Variants in TLN2 observed in about 807,000 individuals in gnomAD.
TLN2 encodes the protein talin 2.
A neutral mutation model predicts 294.7 loss-of-function variants in TLN2; 118 were observed. That is an observed-to-expected ratio of 0.40 (90% CI 0.34 to 0.47). The LOEUF is 0.47. Ranked by LOEUF, TLN2 falls within the 20% of genes least tolerant of loss-of-function variation. TLN2 has a pLI of 0.84. For missense variants in TLN2, 3,083 were observed against 3,282.2 expected (o/e 0.94, Z 1.48); for synonymous variants, 1,431 against 1,304.5 (o/e 1.10, Z -2.09).
intron 1 of TLN2, among the ~76,000 whole-genome samples, chr15:62,531,075 T>C (rs2041016073): frequency 6.6e-6 from 1 of 152,234 alleles, no homozygotes; most frequent in Non-Finnish European, 1.5e-5. Context: ...ATTCCCACTT[T>C]TGAGTGTTTA....
intron 11 of TLN2, among the ~76,000 whole-genome samples, chr15:62,683,780 A>G (rs1352972928): frequency 6.6e-6 from 1 of 152,080 alleles, no homozygotes; most frequent in African/African-American, 2.4e-5. Context: ...TACTGGAGAT[A>G]AAAGGAAGCT....
rs2061983059 is a variant in TLN2, at chr15:62,752,347, A to G, written c.4252A>G (p.Thr1418Ala). Residue 1418 changes from threonine (T) to alanine (A), a missense_variant, in exon 35 of 59, where the codon ACC becomes GCC. Transcript: ENST00000636159. ...GGCAGGGATTTCACAGAATGCCAAG[A>G]CCGGAGACCTCCCTGCCTTTGGGGA... The part of the protein sequence containing the change: ...SMAGISQNAK[T>A]GDLPAFGECV... 6.2e-7 allele frequency: 1 copy of G among 1,614,056 alleles called. No homozygotes were observed. Among genetic ancestry groups the G allele is most frequent in the Non-Finnish European group, 8.5e-7 (1 of 1,180,022 alleles).
At chr15:62,835,223 T>C (rs566452420) in intron 55 of TLN2, 1 of 154,758 alleles carries the variant, frequency 6.5e-6, no homozygotes, top group East Asian at 1.9e-4. Flanking sequence ...CCCTGACAAA[T>C]GGTATTTCCT....
chr15:62,690,697 C>T (rs1237265548), intron 12 of TLN2, among the ~76,000 whole-genome samples: 6 of 149,050 alleles, frequency 4.0e-5, no homozygotes, highest in Admixed American at 6.6e-5. Context: ...GCCGAGATCA[C>T]GCCACTGCAC....
chr15:62,725,314 G>T (rs2140928329), intron 27 of TLN2, among the ~76,000 whole-genome samples: 1 of 152,306 alleles, frequency 6.6e-6, no homozygotes, highest in Middle Eastern at 3.4e-3. Context: ...TCATCAACTA[G>T]CTGTGCACGC....
At chr15:62,562,741 T>TA (rs1262026890) in intron 1 of TLN2, among the ~76,000 whole-genome samples, 1 of 152,066 alleles carries the variant, frequency 6.6e-6, no homozygotes, top group African/African-American at 2.4e-5. Context: ...GTATCATTCT[T>TA]ATGCCTTTGC....
At chr15:62,650,925 T>C (rs907852839) in intron 5 of TLN2, among the ~76,000 whole-genome samples, 9 of 152,178 alleles carry the variant, frequency 5.9e-5, no homozygotes, top group African/African-American at 1.9e-4. Flanking sequence ...TTTGGTCTTG[T>C]CATTAATGTA....
chr15:62,838,502 G>GT (rs1378839064), intron 57 of TLN2, among the ~76,000 whole-genome samples: 1 of 152,226 alleles, frequency 6.6e-6, no homozygotes, highest in Non-Finnish European at 1.5e-5. Flanking sequence ...AGGCGAGGTG[G>GT]TTTTCCAGAC....
At chr15:62,815,102 A>C (rs2066993879) in intron 52 of TLN2, among the ~76,000 whole-genome samples, 1 of 152,082 alleles carries the variant, frequency 6.6e-6, no homozygotes, top group Admixed American at 6.6e-5. Context: ...AAGAATATCT[A>C]CTAAAATTTG....
chr15:62,558,629 T>C (rs1283452073), intron 1 of TLN2, among the ~76,000 whole-genome samples: 2 of 152,224 alleles, frequency 1.3e-5, no homozygotes, highest in African/African-American at 4.8e-5. Flanking sequence ...GAATGAGTAG[T>C]TCTCAAAGAG....
chr15:62,421,914 G>T (rs1013612297), intron 1 of TLN2, among the ~76,000 whole-genome samples: 3 of 152,070 alleles, frequency 2.0e-5, no homozygotes, highest in African/African-American at 7.2e-5. Flanking sequence ...GTAGCGTTAG[G>T]AGGAATTATT....
At chr15:62,696,836 A>G (rs1048552451) in intron 14 of TLN2, among the ~76,000 whole-genome samples, 1 of 152,218 alleles carries the variant, frequency 6.6e-6, no homozygotes, top group African/African-American at 2.4e-5. Context: ...AGGCGATGAA[A>G]CATCCTCTGT....
At chr15:62,734,737 A>C (rs2133093) in intron 28 of TLN2, among the ~76,000 whole-genome samples, 24,282 of 152,238 alleles carry the variant, frequency 0.16, 2,646 homozygotes, top group East Asian at 0.52. Context: ...TACCTTGATT[A>C]GATCGTAGTT....
intron 1 of TLN2, among the ~76,000 whole-genome samples, chr15:62,431,283 A>G (rs546396957): frequency 1.3e-5 from 2 of 152,322 alleles, no homozygotes; most frequent in African/African-American, 4.8e-5. Flanking sequence ...CATATACATT[A>G]AAGTGAACAT....
chr15:62,553,937 C>CTTT (rs145432218), intron 1 of TLN2, among the ~76,000 whole-genome samples: 7 of 138,374 alleles, frequency 5.1e-5, no homozygotes, highest in African/African-American at 1.3e-4. Flanking sequence ...TTAATCTAAT[C>CTTT]TTTTTTTTTT....
chr15:62,409,500 C>T (rs887781750), intron 1 of TLN2, among the ~76,000 whole-genome samples: 1 of 152,138 alleles, frequency 6.6e-6, no homozygotes, highest in East Asian at 1.9e-4. Flanking sequence ...ATTTGAATAA[C>T]CATTCCCCTT....
chr15:62,619,779 T>G (rs28483715), intron 3 of TLN2, among the ~76,000 whole-genome samples: 14,324 of 152,174 alleles, frequency 0.094, 945 homozygotes, highest in African/African-American at 0.17. Context: ...GGGTAGCGTG[T>G]TCCCACTGAA....
Position 62,820,548 on chromosome 15 carries a change from G to A in TLN2, c.6940G>A (p.Ala2314Thr). 1.2e-6 allele frequency: 2 copies of A among 1,614,022 alleles called. No individual in the cohort carries two copies. Among genetic ancestry groups the A allele is most frequent in the Non-Finnish European group, 1.7e-6 (2 of 1,179,928 alleles). ...TGCAGAAACAGAGTTACTGGGGGCTGCAGCATCCATCGAAGCTGCTGCTAA... is the reference window on the plus strand; with the variant it reads ...TGCAGAAACAGAGTTACTGGGGGCTACAGCATCCATCGAAGCTGCTGCTAA... The part of the protein sequence containing the change: ...VIAETELLGA[A>T]ASIEAAAKKL... Residue 2314 changes from alanine to threonine, a missense_variant, in exon 54 of 59, where the codon GCA (alanine) becomes ACA (threonine). Transcript: ENST00000636159.
chr15:62,707,831 A>T (rs910484271), intron 20 of TLN2, among the ~76,000 whole-genome samples: 1 of 152,046 alleles, frequency 6.6e-6, no homozygotes, highest in African/African-American at 2.4e-5. Context: ...TTACAACTCA[A>T]GTCCATCTGC....
Sources: allele counts gnomAD v4.1 joint callset (sites outside exome capture counted in the v4.1 genomes callset), GRCh38; gene constraint gnomAD v4.1.1; transcripts MANE v1.5; gene names NCBI Gene and HGNC (gene_info 2026-07-23, HGNC 2026-07-21).